Variants in THSD4 observed in about 807,000 individuals in gnomAD.
THSD4 encodes the protein thrombospondin type-1 domain-containing protein 4.
In THSD4, 69 loss-of-function variants were observed where a neutral mutation model predicts 119.0. The observed-to-expected ratio is 0.58, with a 90% CI of 0.48 to 0.71. The LOEUF (loss-of-function observed/expected upper bound fraction) is 0.71. Among genes scored for constraint, THSD4 ranks in the 30% least tolerant of loss-of-function variants. The probability of loss-of-function intolerance (pLI) is 0.00; values close to 1 mark genes in which losing one functional copy is unlikely to be tolerated. For missense variants in THSD4, 1,393 were observed against 1,391.1 expected (o/e 1.00, Z -0.02); for synonymous variants, 524 against 540.4 (o/e 0.97, Z 0.42).
intron 3 of THSD4, among the ~76,000 whole-genome samples, chr15:71,166,190 G>A (rs1348924504): frequency 6.6e-6 from 1 of 152,052 alleles, no homozygotes; most frequent in Non-Finnish European, 1.5e-5. Flanking sequence ...CAGATGTTGT[G>A]GTCTTGGTTG....
chr15:71,722,898 C>T (rs1595890330), intron 8 of THSD4, among the ~76,000 whole-genome samples: 1 of 152,078 alleles, frequency 6.6e-6, no homozygotes, highest in Non-Finnish European at 1.5e-5. Flanking sequence ...CGGGATTATA[C>T]CAAACACACT....
intron 14 of THSD4, among the ~76,000 whole-genome samples, chr15:71,749,148 T>G (rs1595915574): frequency 2.0e-5 from 3 of 152,346 alleles, no homozygotes; most frequent in Admixed American, 2.0e-4. Context: ...TTTCTGCAGA[T>G]GGAGTGATGT....
chr15:71,495,032 G>T (rs1045481139), intron 7 of THSD4, among the ~76,000 whole-genome samples: 11 of 152,216 alleles, frequency 7.2e-5, no homozygotes, highest in Non-Finnish European at 1.0e-4. Flanking sequence ...CAGGCCCAGT[G>T]ACGGGTGAGA....
chr15:71,413,595 C>T (rs1232435627), intron 7 of THSD4, among the ~76,000 whole-genome samples: 1 of 152,156 alleles, frequency 6.6e-6, no homozygotes, highest in Non-Finnish European at 1.5e-5. Context: ...GACAGAATGT[C>T]CTTCAGTTCT....
At chr15:71,547,187 C>A (rs1250268793) in intron 7 of THSD4, 4 of 1,318,452 alleles carry the variant, frequency 3.0e-6, no homozygotes, top group East Asian at 3.1e-5. Flanking sequence ...TCCCCTCCCC[C>A]AGCCGGGAGA....
intron 7 of THSD4, among the ~76,000 whole-genome samples, chr15:71,618,608 C>G (rs1242245188): frequency 1.3e-5 from 2 of 152,212 alleles, no homozygotes; most frequent in East Asian, 3.8e-4. Context: ...GGGTCTCACT[C>G]TGTCACCCAG....
chr15:71,351,854 T>C (rs560875405), intron 6 of THSD4, among the ~76,000 whole-genome samples: 1 of 152,360 alleles, frequency 6.6e-6, no homozygotes, highest in East Asian at 1.9e-4. Flanking sequence ...AGGGGCCATA[T>C]AGATTCAGAA....
intron 7 of THSD4, among the ~76,000 whole-genome samples, chr15:71,561,168 G>A (rs1170446779): frequency 2.0e-5 from 3 of 151,920 alleles, no homozygotes; most frequent in Non-Finnish European, 4.4e-5. Flanking sequence ...TAGAGACGGA[G>A]TTTCACCGTG....
intron 4 of THSD4, among the ~76,000 whole-genome samples, chr15:71,233,891 C>T (rs1270797503): frequency 6.6e-6 from 1 of 152,200 alleles, no homozygotes; most frequent in East Asian, 1.9e-4. Context: ...AGTTAGGACT[C>T]TCTCCTCTCT....
rs757276348 is a variant in THSD4, at chr15:71,659,367, GC to G, written c.1153-1162del. 2.2e-3 allele frequency among the ~76,000 whole-genome samples: 337 copies of G among 152,274 alleles called. 2 individuals carry two copies. The highest frequency in any genetic ancestry group is 5.4e-3 in the Admixed American group (82 of 15,290). ...AGCCCTGTGAGGTCAGGAGTGGAAA[GC>G]TTCAGAAGTAGAAAAAGATTTTGTG... On this transcript the variant is annotated intron_variant, in intron 7 of 17. Coordinates refer to ENST00000261862, the MANE Select transcript of THSD4 (RefSeq NM_024817.3).
intron 7 of THSD4, among the ~76,000 whole-genome samples, chr15:71,536,188 G>A (rs752604848): frequency 5.3e-5 from 8 of 152,176 alleles, no homozygotes; most frequent in Non-Finnish European, 7.3e-5. Flanking sequence ...GGTCTCACTA[G>A]ACTGCCATCA....
At chr15:71,644,260 C>T (rs1015976161) in intron 7 of THSD4, among the ~76,000 whole-genome samples, 1 of 152,120 alleles carries the variant, frequency 6.6e-6, no homozygotes, top group Admixed American at 6.6e-5. Context: ...GGAATACTTG[C>T]CAATAAGCCT....
intron 7 of THSD4, among the ~76,000 whole-genome samples, chr15:71,540,873 C>T (rs918239644): frequency 6.6e-6 from 1 of 151,776 alleles, no homozygotes; most frequent in African/African-American, 2.4e-5. Context: ...CAAGCACGTG[C>T]CACCACACTC....
intron 6 of THSD4, among the ~76,000 whole-genome samples, chr15:71,351,129 C>T (rs2045738706): frequency 1.3e-5 from 2 of 152,242 alleles, no homozygotes; most frequent in Middle Eastern, 3.4e-3. Flanking sequence ...AGCAGAAGTC[C>T]ATCTGCATTC....
intron 7 of THSD4, among the ~76,000 whole-genome samples, chr15:71,471,834 C>T (rs558811330): frequency 2.2e-3 from 328 of 152,144 alleles, no homozygotes; most frequent in African/African-American, 6.7e-3. Context: ...GTAGGGGTTT[C>T]AGAGCGTGGG....
intron 7 of THSD4, among the ~76,000 whole-genome samples, chr15:71,509,789 C>A (rs933896221): frequency 1.3e-5 from 2 of 152,086 alleles, no homozygotes; most frequent in Non-Finnish European, 2.9e-5. Flanking sequence ...AGCTACTTTC[C>A]CCAGGAAAGT....
intron 4 of THSD4, among the ~76,000 whole-genome samples, chr15:71,236,029 G>A (rs774198484): frequency 2.4e-4 from 36 of 152,116 alleles, no homozygotes; most frequent in Admixed American, 1.6e-3. Flanking sequence ...TGGGGTTCTC[G>A]GGCTCCACTC....
intron 6 of THSD4, among the ~76,000 whole-genome samples, chr15:71,283,170 T>C (rs1041820932): frequency 1.3e-5 from 2 of 152,054 alleles, no homozygotes; most frequent in African/African-American, 4.8e-5. Context: ...GGGGTTTCAC[T>C]GTGTTAGCCG....
intron 7 of THSD4, among the ~76,000 whole-genome samples, chr15:71,460,314 T>G (rs913698694): frequency 6.6e-6 from 1 of 150,586 alleles, no homozygotes; most frequent in Non-Finnish European, 1.5e-5. Context: ...GGTTTTTTTT[T>G]TTTTTTTTTT....
Sources: allele counts gnomAD v4.1 joint callset (sites outside exome capture counted in the v4.1 genomes callset), GRCh38; gene constraint gnomAD v4.1.1; transcripts MANE v1.5; gene names NCBI Gene and HGNC (gene_info 2026-07-23, HGNC 2026-07-21).